Variants in CRACR2A observed in about 807,000 individuals in gnomAD.
CRACR2A encodes the protein calcium release activated channel regulator 2A, also known as EF-hand calcium-binding domain-containing protein 4B.
In CRACR2A, 79 loss-of-function variants were observed where a neutral mutation model predicts 90.5. That is an observed-to-expected ratio of 0.87 (90% CI 0.73 to 1.05). The LOEUF is 1.05. Among genes scored for constraint, CRACR2A ranks in the 50% least tolerant of loss-of-function variants. The probability of loss-of-function intolerance (pLI) is 0.00; values close to 1 mark genes in which losing one functional copy is unlikely to be tolerated. For synonymous variants in CRACR2A, 338 were observed against 356.7 expected, an observed-to-expected ratio of 0.95 and a Z score of 0.59; for missense variants, 823 against 897.2, an observed-to-expected ratio of 0.92 and a Z score of 1.06.
At chr12:3,712,152 A>G (rs1591705417) in intron 3 of CRACR2A, among the ~76,000 whole-genome samples, 1 of 152,280 alleles carries the variant, frequency 6.6e-6, no homozygotes, top group East Asian at 1.9e-4. Context: ...ATAGTATCAT[A>G]GAAAGGTTCA....
intron 1 of CRACR2A, among the ~76,000 whole-genome samples, chr12:3,751,311 C>A (rs569305903): frequency 4.6e-5 from 7 of 152,246 alleles, no homozygotes; most frequent in African/African-American, 1.7e-4. Context: ...TCCCACCAGC[C>A]CTGTTCAACC....
At chr12:3,679,138 C>T (rs1249817789) in intron 5 of CRACR2A, 40 bp from the exon 6 acceptor site, 4 of 1,545,822 alleles carry the variant, frequency 2.6e-6, no homozygotes, top group Non-Finnish European at 3.5e-6. Flanking sequence ...TTAGACCATA[C>T]CCATCCAGGA....
At position 3,627,507 on chromosome 12, in the gene CRACR2A, C is replaced by T. The variant is rs1466993811; in HGVS notation, c.1861G>A (p.Val621Ile). The T allele has an allele frequency of 1.3e-6, 2 of 1,551,820 alleles. No individual in the cohort carries two copies. The highest frequency in any genetic ancestry group is 1.7e-6 in the Non-Finnish European group (2 of 1,147,034). Residue 621 changes from valine to isoleucine, a missense_variant, in exon 17 of 20, where the codon GTC becomes ATC. Transcript: ENST00000440314. ...TCTGTGAGATCGTACATGACGATGA[C>T]ACCATCTGCCTTTCTGAAGAACTGC... Reference protein sequence around the residue: ...TQQFFRKADGVIVMYDLTDKQ... With the variant: ...TQQFFRKADGIIVMYDLTDKQ...
At chr12:3,676,279 A>C (rs145729671) in intron 6 of CRACR2A, among the ~76,000 whole-genome samples, 1 of 152,228 alleles carries the variant, frequency 6.6e-6, no homozygotes, top group African/African-American at 2.4e-5. Flanking sequence ...CCAGCCCCAC[A>C]ACACACACAC....
At chr12:3,648,084 C>T in intron 11 of CRACR2A, 2 of 996,516 alleles carry the variant, frequency 2.0e-6, no homozygotes, top group African/African-American at 3.5e-5. Flanking sequence ...CTGGCCCCAT[C>T]AGAGAGTAGC....
intron 1 of CRACR2A, among the ~76,000 whole-genome samples, chr12:3,734,510 C>T (rs1306076748): frequency 6.6e-6 from 1 of 152,098 alleles, no homozygotes. Flanking sequence ...CGATCAGTAG[C>T]TCAAAGTCAT....
chr12:3,717,670 G>A (rs1946101165), intron 2 of CRACR2A, among the ~76,000 whole-genome samples: 2 of 152,258 alleles, frequency 1.3e-5, no homozygotes, highest in African/African-American at 4.8e-5. Flanking sequence ...TATCTTATTT[G>A]TAATACACCT....
At chr12:3,666,309 T>G (rs1048764110) in intron 7 of CRACR2A, among the ~76,000 whole-genome samples, 3 of 145,116 alleles carry the variant, frequency 2.1e-5, no homozygotes, top group Admixed American at 2.0e-4. Context: ...CTGGCAAATG[T>G]CCCTCCCTAA....
At position 3,625,195 on chromosome 12, in the gene CRACR2A, C is replaced by T. The variant is rs12316971; in HGVS notation, c.1932+2241G>A. ...GATTTGCCATCTCAGCCAGGCTTCC[C>T]GAGCCCACAGACACACCAAGGCTTC... is the stretch of plus-strand genomic sequence containing the variant. On this transcript the variant is annotated intron_variant, in intron 17 of 19. Transcript: ENST00000440314. Among the ~76,000 whole-genome samples the T allele has an allele frequency of 1.8e-3, 280 of 152,254 alleles. 2 individuals carry two copies. Among genetic ancestry groups the T allele is most frequent in the African/African-American group, 6.0e-3 (249 of 41,556 alleles).
At chr12:3,667,636 A>G (rs55940430) in intron 7 of CRACR2A, among the ~76,000 whole-genome samples, 35,074 of 152,200 alleles carry the variant, frequency 0.23, 4,244 homozygotes, top group South Asian at 0.31. Flanking sequence ...TTGTGCTTGG[A>G]ATGGGAATGG....
intron 10 of CRACR2A, among the ~76,000 whole-genome samples, chr12:3,653,043 C>T (rs1458475680): frequency 1.3e-5 from 2 of 151,960 alleles, no homozygotes; most frequent in Non-Finnish European, 2.9e-5. Context: ...AGTGCAGTGG[C>T]ACGATCTTGG....
At chr12:3,679,237 TG>T in intron 5 of CRACR2A, 139 bp from the exon 6 acceptor site, 1 of 791,858 alleles carries the variant, frequency 1.3e-6, no homozygotes, top group Non-Finnish European at 1.9e-6. Flanking sequence ...CAAAGATCCA[TG>T]GACATGGGTC....
chr12:3,744,519 A>G (rs2137910786), intron 1 of CRACR2A, among the ~76,000 whole-genome samples: 1 of 152,256 alleles, frequency 6.6e-6, no homozygotes, highest in East Asian at 1.9e-4. Context: ...TGCCTCGGGT[A>G]TGTTACTTAC....
intron 8 of CRACR2A, 137 bp downstream of exon 8, chr12:3,659,427 G>T: frequency 1.5e-6 from 1 of 663,572 alleles, no homozygotes. Context: ...GGTGATAAAT[G>T]CCTTGAAAAA....
intron 17 of CRACR2A, among the ~76,000 whole-genome samples, chr12:3,623,415 C>T (rs1211800240): frequency 6.6e-6 from 1 of 152,106 alleles, no homozygotes; most frequent in Non-Finnish European, 1.5e-5. Flanking sequence ...GCTCAGCATC[C>T]CAGGACTGCA....
At position 3,734,495 on chromosome 12, in the gene CRACR2A, A is replaced by G. The variant is rs184584285; in HGVS notation, c.-386-1285T>C. ...CCACTTCTAGGTATATGTCCGAAGGAAACACGATCAGTAGCTCAAAGTCAT... is the reference window on the plus strand; with the variant it reads ...CCACTTCTAGGTATATGTCCGAAGGGAACACGATCAGTAGCTCAAAGTCAT... On this transcript the variant is annotated intron_variant, in intron 1 of 19. Transcript: ENST00000440314. Among the ~76,000 whole-genome samples the G allele has an allele frequency of 2.3e-3, 356 of 152,274 alleles. 1 individual carries two copies. The highest frequency in any genetic ancestry group is 6.8e-3 in the Middle Eastern group (2 of 294).
intron 2 of CRACR2A, 160 bp downstream of exon 2, chr12:3,732,782 G>A (rs1278427371): frequency 6.6e-6 from 1 of 152,230 alleles, no homozygotes; most frequent in Non-Finnish European, 1.5e-5. Flanking sequence ...ACTTTGCTAA[G>A]CTGACAGTTT....
intron 18 of CRACR2A, among the ~76,000 whole-genome samples, chr12:3,617,523 C>T (rs1250810488): frequency 6.6e-6 from 1 of 152,196 alleles, no homozygotes; most frequent in Non-Finnish European, 1.5e-5. Flanking sequence ...ATTCCATAGG[C>T]CTTGGGGACA....
At chr12:3,637,860 T>A (rs1944485004) in intron 14 of CRACR2A, among the ~76,000 whole-genome samples, 1 of 152,216 alleles carries the variant, frequency 6.6e-6, no homozygotes, top group African/African-American at 2.4e-5. Flanking sequence ...AAGAATCCTT[T>A]GTTCAAATGT....
Sources: gnomAD v4.1 joint callset for allele counts (sites outside exome capture counted in the v4.1 genomes callset) on GRCh38, gnomAD v4.1.1 for gene constraint, MANE v1.5 for transcripts, NCBI Gene and HGNC (gene_info 2026-07-23, HGNC 2026-07-21) for gene names.